Variants in TRPM3 observed in about 807,000 individuals in gnomAD.
TRPM3 encodes the protein transient receptor potential cation channel subfamily M member 3, also known as long transient receptor potential channel 3.
In TRPM3, 77 loss-of-function variants were observed where a neutral mutation model predicts 181.2. The observed-to-expected ratio is 0.42, with a 90% confidence interval of 0.35 to 0.51. The LOEUF is 0.51. Among genes scored for constraint, TRPM3 ranks in the 20% least tolerant of loss-of-function variants. The pLI is 0.01. For missense variants in TRPM3, 1,759 were observed against 2,196.7 expected, an observed-to-expected ratio of 0.80 and a Z score of 3.98; for synonymous variants, 745 against 796.4, an observed-to-expected ratio of 0.94 and a Z score of 1.09.
intron 3 of TRPM3, among the ~76,000 whole-genome samples, chr9:70,856,184 G>A (rs1186270446): frequency 6.6e-6 from 1 of 152,176 alleles, no homozygotes; most frequent in Non-Finnish European, 1.5e-5. Flanking sequence ...TCTTGGATGA[G>A]AATTGGTTCT....
chr9:71,256,883 CTG>C (rs2082707343), intron 1 of TRPM3, among the ~76,000 whole-genome samples: 3 of 151,978 alleles, frequency 2.0e-5, no homozygotes, highest in Admixed American at 2.0e-4. Context: ...CCAGAGCAAA[CTG>C]TACTCTTGCA....
intron 6 of TRPM3, among the ~76,000 whole-genome samples, chr9:70,813,074 G>A (rs906182413): frequency 2.6e-5 from 4 of 151,746 alleles, no homozygotes; most frequent in East Asian, 1.9e-4. Flanking sequence ...GGTAATTCAC[G>A]TAATGAATTT....
At chr9:70,989,858 C>G (rs576572818) in intron 1 of TRPM3, among the ~76,000 whole-genome samples, 1 of 152,180 alleles carries the variant, frequency 6.6e-6, no homozygotes, top group Non-Finnish European at 1.5e-5. Flanking sequence ...ATGGGAATCT[C>G]TATTTCCACA....
intron 1 of TRPM3, among the ~76,000 whole-genome samples, chr9:71,089,132 A>G (rs1457972317): frequency 6.8e-6 from 1 of 147,634 alleles, no homozygotes; most frequent in African/African-American, 2.5e-5. Flanking sequence ...TATATCATAT[A>G]TATTATATAT....
chr9:70,615,404 T>G (rs1564565359), intron 18 of TRPM3, among the ~76,000 whole-genome samples: 1 of 152,248 alleles, frequency 6.6e-6, no homozygotes. Flanking sequence ...CTATGCTCTA[T>G]AATTATATGA....
In TRPM3 at chr9:70,916,129, GAAT is replaced by G. The variant is rs548510530; in HGVS notation, c.178-51621_178-51619del. 8.5e-5 allele frequency among the ~76,000 whole-genome samples: 13 copies of G among 152,276 alleles called. No individual in the cohort carries two copies. The South Asian group carries it at 2.7e-3, about 32-fold the overall frequency. The stretch of plus-strand genomic sequence containing the variant: ...GAAGGAAGAAAAAGCTTTCACCCTA[GAAT>G]AGTATGTTCAGCAAAAATATCCTTC... On this transcript the variant is annotated intron_variant, in intron 1 of 25. Coordinates refer to ENST00000677713, the MANE Select transcript of TRPM3 (RefSeq NM_001366145.2).
chr9:71,065,584 T>C (rs1365542969), intron 1 of TRPM3, among the ~76,000 whole-genome samples: 4 of 152,172 alleles, frequency 2.6e-5, no homozygotes, highest in African/African-American at 9.6e-5. Flanking sequence ...GGGCATATTA[T>C]TAAGTGAATT....
intron 6 of TRPM3, chr9:70,825,360 T>C (rs2093484943): frequency 6.6e-6 from 1 of 152,146 alleles, no homozygotes; most frequent in Non-Finnish European, 1.5e-5. Flanking sequence ...TAATTATTAA[T>C]ATATTCACTG....
chr9:70,537,502 G>T, intron 25 of TRPM3, 97 bp from the exon 26 acceptor site: 1 of 1,142,744 alleles, frequency 8.8e-7, no homozygotes, highest in East Asian at 2.8e-5. Flanking sequence ...GCCTGACCTT[G>T]GTACCTTCAA....
intron 1 of TRPM3, among the ~76,000 whole-genome samples, chr9:71,426,914 G>A (rs114559227): frequency 0.035 from 5,240 of 151,528 alleles, 292 homozygotes; most frequent in African/African-American, 0.12. Flanking sequence ...TTTTATGTCT[G>A]CCATTTTATG....
chr9:71,263,835 A>G (rs192499699), intron 1 of TRPM3, among the ~76,000 whole-genome samples: 1 of 152,304 alleles, frequency 6.6e-6, no homozygotes, highest in African/African-American at 2.4e-5. Flanking sequence ...GCTGGAGCAC[A>G]GTGGCATGAT....
At chr9:70,897,678 G>C (rs1456578187) in intron 1 of TRPM3, among the ~76,000 whole-genome samples, 1 of 152,118 alleles carries the variant, frequency 6.6e-6, no homozygotes, top group Non-Finnish European at 1.5e-5. Context: ...GAAACTGATG[G>C]CATCTAGTGG....
At chr9:70,793,404 C>T (rs868835626) in intron 6 of TRPM3, among the ~76,000 whole-genome samples, 18 of 148,050 alleles carry the variant, frequency 1.2e-4, no homozygotes, top group Middle Eastern at 3.5e-3. Flanking sequence ...TGCAGTGAGC[C>T]CTGAGGGTGC....
chr9:70,909,625 A>C (rs2133127100), intron 1 of TRPM3, among the ~76,000 whole-genome samples: 1 of 152,296 alleles, frequency 6.6e-6, no homozygotes, highest in African/African-American at 2.4e-5. Context: ...GTGGAGGGGC[A>C]TGCACATAAA....
intron 25 of TRPM3, among the ~76,000 whole-genome samples, chr9:70,544,159 T>G (rs2044257148): frequency 6.6e-6 from 1 of 151,970 alleles, no homozygotes; most frequent in South Asian, 2.1e-4. Context: ...CAATGGGAAA[T>G]AAAAAGAAAT....
Position 70,625,226 on chromosome 9 carries a change from G to A in TRPM3, c.1774C>T (p.Arg592Trp), listed in dbSNP as rs1405797336. 1 of 1,614,052 alleles carries A rather than the reference G, an allele frequency of 6.2e-7. No individual in the cohort carries two copies. ...CCGAAGAGGTTGTGGTAGAGGGTCC[G>A]GAAGCGCTTGCGCGTGTAGTTGCAG... ...YRCNYTRKRFRTLYHNLFGPK... is the reference protein window; with the variant it reads ...YRCNYTRKRFWTLYHNLFGPK... Residue 592 changes from arginine to tryptophan, a missense_variant, in exon 14 of 26, where the codon CGG (arginine) becomes TGG (tryptophan). By Grantham distance (101) the Arg-to-Trp change is moderately radical (BLOSUM62 -3). Around this residue, in one of 8 missense-constraint regions of TRPM3, gnomAD observed 737 missense variants for 957.4 expected, o/e 0.77. Coordinates refer to ENST00000677713, the MANE Select transcript of TRPM3 (RefSeq NM_001366145.2). This position sits in a 1 kb window ranked among gnomAD's most constrained non-coding sequence, Gnocchi z 4.8.
intron 1 of TRPM3, among the ~76,000 whole-genome samples, chr9:71,341,051 T>C (rs11142803): frequency 0.89 from 135,636 of 152,158 alleles, 61,233 homozygotes; most frequent in East Asian, 0.97. Flanking sequence ...TATATTATTG[T>C]AATAATACTA....
chr9:71,134,122 T>G (rs1204442909), intron 1 of TRPM3, among the ~76,000 whole-genome samples: 1 of 152,148 alleles, frequency 6.6e-6, no homozygotes, highest in Non-Finnish European at 1.5e-5. Context: ...ACCACAATCC[T>G]TTATTATTCT....
intron 9 of TRPM3, among the ~76,000 whole-genome samples, chr9:70,647,329 A>G (rs1039233603): frequency 1.3e-5 from 2 of 152,178 alleles, no homozygotes; most frequent in Non-Finnish European, 2.9e-5. Context: ...AGCACATCAA[A>G]AAACTTATCC....
Sources: gnomAD v4.1 joint callset for allele counts (sites outside exome capture counted in the v4.1 genomes callset) on GRCh38, gnomAD v4.1.1 for gene constraint, gnomAD v4.1.1 regional missense constraint, Gnocchi (gnomAD v3.1) non-coding constraint, MANE v1.5 for transcripts, NCBI Gene and HGNC (gene_info 2026-07-23, HGNC 2026-07-21) for gene names.